The following FSTL4 variants were observed in gnomAD, a reference collection of about 807,000 sequenced individuals.
FSTL4 encodes follistatin-related protein 4.
In FSTL4, 28 loss-of-function variants were observed where a neutral mutation model predicts 78.2. That is an observed-to-expected ratio of 0.36 (90% CI 0.27 to 0.49). The LOEUF (loss-of-function observed/expected upper bound fraction) is 0.49, where lower values mean the gene tolerates loss of function less well. FSTL4 is among the 20% of genes least tolerant of loss of function. The pLI is 0.98. For missense variants in FSTL4, 922 were observed against 1,084.9 expected (o/e 0.85, Z 2.11); for synonymous variants, 422 against 440.5 (o/e 0.96, Z 0.53).
chr5:133,579,450 G>T (rs1271162967), intron 2 of FSTL4, among the ~76,000 whole-genome samples: 1 of 152,186 alleles, frequency 6.6e-6, no homozygotes, highest in African/African-American at 2.4e-5. Flanking sequence ...ATGTCTACCA[G>T]CTGTCGATCG....
At chr5:133,729,482 A>G in the FSTL4 span, among the ~76,000 whole-genome samples, 1 of 152,226 alleles carries the variant, frequency 6.6e-6, no homozygotes, top group African/African-American at 2.4e-5. Flanking sequence ...GGAGTGCCCA[A>G]TAAGTATTAA....
In FSTL4 at chr5:133,238,427, T is replaced by G. The variant is rs141590390; in HGVS notation, c.895-4890A>C. On this transcript the variant is annotated intron_variant, in intron 7 of 15. Coordinates refer to ENST00000265342, the MANE Select transcript of FSTL4 (RefSeq NM_015082.2). ...ACCTGCACAGTCAAATGCAGCAAACTTAAACACAGAGTGACATGTGGTGCC... is the reference window on the plus strand; with the variant it reads ...ACCTGCACAGTCAAATGCAGCAAACGTAAACACAGAGTGACATGTGGTGCC... Among the ~76,000 whole-genome samples, 275 of 152,310 alleles carry G rather than the reference T, an allele frequency of 1.8e-3. 1 individual carries two copies. Among genetic ancestry groups the G allele is most frequent in the Non-Finnish European group, 2.8e-3 (191 of 68,028 alleles).
the FSTL4 span, among the ~76,000 whole-genome samples, chr5:133,803,893 A>G: frequency 9.2e-5 from 14 of 152,094 alleles, no homozygotes. Flanking sequence ...TGAGATTTGG[A>G]GGGCAGAAGA....
At position 133,583,358 on chromosome 5, in the gene FSTL4, G is replaced by A. The variant is rs533333734; in HGVS notation, c.127-16139C>T. On this transcript the variant is annotated intron_variant, in intron 2 of 15. Transcript: ENST00000265342. ...TCCCAGCGTGAGCGACGCAGAAGAC[G>A]GGTGATTTCTGCATTTCCATCTGAG... 8 of 382,562 alleles carry A rather than the reference G, an allele frequency of 2.1e-5. 2 individuals carry two copies. The highest frequency in any genetic ancestry group is 8.6e-5 in the African/African-American group (4 of 46,348). The allele number at this position is 382,562 out of a possible 1,614,324, so 23.7% of individuals were successfully genotyped here. A position where few individuals can be genotyped will look rare whatever the true frequency, so the allele number is the denominator to read the frequency against.
At chr5:133,599,207 G>A (rs150243523) in intron 2 of FSTL4, among the ~76,000 whole-genome samples, 2 of 152,340 alleles carry the variant, frequency 1.3e-5, no homozygotes, top group African/African-American at 2.4e-5. Flanking sequence ...AAGTACTACT[G>A]AATGCCCAGC....
At chr5:133,334,329 C>G (rs1754417974) in intron 4 of FSTL4, among the ~76,000 whole-genome samples, 1 of 152,218 alleles carries the variant, frequency 6.6e-6, no homozygotes. Context: ...GGCCTCTGCT[C>G]TCTTCCCTGT....
At chr5:133,630,912 G>A in the FSTL4 span, among the ~76,000 whole-genome samples, 10 of 152,270 alleles carry the variant, frequency 6.6e-5, no homozygotes, top group African/African-American at 2.2e-4. Context: ...TTAATAAATG[G>A]TGTTGGGAAA....
At chr5:133,517,441 A>ATATATATATATATATATAT (rs1241999793) in intron 3 of FSTL4, among the ~76,000 whole-genome samples, 2 of 30,114 alleles carry the variant, frequency 6.6e-5, no homozygotes, top group African/African-American at 3.2e-4. Context: ...AAAAAAAAAA[A>ATATATATATATATATATAT]AAAAAAATAT....
the FSTL4 span, among the ~76,000 whole-genome samples, chr5:133,832,358 C>T: frequency 6.6e-6 from 1 of 152,204 alleles, no homozygotes; most frequent in South Asian, 2.1e-4. Context: ...TAAAACTGCT[C>T]ATTGGGTTGC....
the FSTL4 span, among the ~76,000 whole-genome samples, chr5:133,764,700 C>G: frequency 6.6e-6 from 1 of 152,102 alleles, no homozygotes; most frequent in African/African-American, 2.4e-5. Flanking sequence ...GGTACAAGGC[C>G]CTCTTCAGTG....
chr5:133,522,065 TCAGAGTTCCCCA>T (rs1271704693), intron 3 of FSTL4, among the ~76,000 whole-genome samples: 1 of 152,116 alleles, frequency 6.6e-6, no homozygotes, highest in Non-Finnish European at 1.5e-5. Flanking sequence ...CCCCAGGCCC[TCAGAGTTCCCCA>T]CAGTGACATA....
chr5:133,634,374 A>G, the FSTL4 span, among the ~76,000 whole-genome samples: 2 of 145,926 alleles, frequency 1.4e-5, no homozygotes, highest in African/African-American at 2.5e-5. Context: ...TAGAGAAAAC[A>G]GGCTTTTCTC....
In FSTL4 at chr5:133,225,790, T is replaced by C. The variant is rs376502880; in HGVS notation, c.1045A>G (p.Ser349Gly). 8 of 1,601,670 alleles carry C rather than the reference T, an allele frequency of 5.0e-6. No individual in the cohort carries two copies. In the African/African-American group the frequency reaches 5.4e-5, roughly 11 times the overall value. Reference protein sequence around the residue: ...VPPVIRVYPESQAQEPGVAAS... With the variant: ...VPPVIRVYPEGQAQEPGVAAS... Reference sequence around the variant, plus strand: ...GCCACTCCAGGCTCCTGTGCCTGGCTCTCTGGATAGACACGGATGACTGGC... The same window carrying C: ...GCCACTCCAGGCTCCTGTGCCTGGCCCTCTGGATAGACACGGATGACTGGC... The change falls in exon 9 of 16, where the codon AGC (serine) becomes GGC (glycine). Residue 349 changes from serine to glycine, a missense_variant. By Grantham distance (56) the Ser-to-Gly change is moderately conservative. Coordinates refer to ENST00000265342, the MANE Select transcript of FSTL4 (RefSeq NM_015082.2). This position sits in a 1 kb window ranked among gnomAD's most constrained non-coding sequence, Gnocchi z 4.6.
chr5:133,672,136 AG>A, the FSTL4 span, among the ~76,000 whole-genome samples: 1 of 152,336 alleles, frequency 6.6e-6, no homozygotes, highest in South Asian at 2.1e-4. Flanking sequence ...GCACTTGGTG[AG>A]GTTAAAGTTG....
chr5:133,700,574 C>T, the FSTL4 span, among the ~76,000 whole-genome samples: 3 of 152,242 alleles, frequency 2.0e-5, no homozygotes, highest in Admixed American at 2.0e-4. Context: ...ATGCCAAGGG[C>T]ACAGATGTAT....
chr5:133,730,742 T>A, the FSTL4 span, among the ~76,000 whole-genome samples: 1 of 152,232 alleles, frequency 6.6e-6, no homozygotes, highest in African/African-American at 2.4e-5. Context: ...TGAGCCTCCA[T>A]TTACTTTGAG....
At chr5:133,816,311 G>C in the FSTL4 span, among the ~76,000 whole-genome samples, 6 of 152,348 alleles carry the variant, frequency 3.9e-5, no homozygotes, top group Admixed American at 6.5e-5. Context: ...CTGGGAAAAG[G>C]CAGGGTCTGA....
chr5:133,281,943 G>C (rs1002252284), intron 6 of FSTL4, among the ~76,000 whole-genome samples: 4 of 152,128 alleles, frequency 2.6e-5, no homozygotes, highest in Non-Finnish European at 5.9e-5. Context: ...CTAGAGACCA[G>C]GCCAGAGCCT....
intron 6 of FSTL4, among the ~76,000 whole-genome samples, chr5:133,272,762 G>T (rs899358199): frequency 6.6e-6 from 1 of 152,214 alleles, no homozygotes; most frequent in African/African-American, 2.4e-5. Flanking sequence ...AGGCAGCATC[G>T]CGAGTGGTGA....
Sources: allele counts gnomAD v4.1 joint callset (sites outside exome capture counted in the v4.1 genomes callset), GRCh38; gene constraint gnomAD v4.1.1; non-coding constraint Gnocchi (gnomAD v3.1); transcripts MANE v1.5; gene names NCBI Gene and HGNC (gene_info 2026-07-23, HGNC 2026-07-21).